Variants in MARK4 observed in about 807,000 individuals in gnomAD.
MARK4 encodes MAP/microtubule affinity-regulating kinase 4.
Under a neutral mutation model 81.5 loss-of-function variants are expected in MARK4, and 19 were observed. The observed-to-expected ratio is 0.23, with a 90% confidence interval of 0.16 to 0.34. The LOEUF is 0.34. Among genes scored for constraint, MARK4 ranks in the 10% least tolerant of loss-of-function variants. The probability of loss-of-function intolerance (pLI) is 1.00; values close to 1 mark genes in which losing one functional copy is unlikely to be tolerated. For synonymous variants in MARK4, 436 were observed against 439.0 expected (o/e 0.99, Z 0.08); for missense variants, 772 against 1,058.8 (o/e 0.73, Z 3.76).
rs1971021194 is a variant in MARK4 at position 45,304,404 on chromosome 19, A to G, written c.*1694A>G. Reference sequence around the variant, plus strand: ...GTAGGGGTTCCTCAAAGGAAGGTCAAGTGTCATGAGCAGGAGAAAAGGCAT... The same window carrying G: ...GTAGGGGTTCCTCAAAGGAAGGTCAGGTGTCATGAGCAGGAGAAAAGGCAT... On this transcript the variant is annotated 3_prime_UTR_variant, in exon 17 of 17. Coordinates refer to ENST00000262891, the MANE Select transcript of MARK4 (RefSeq NM_001199867.2). 1 of 152,334 alleles carries G rather than the reference A, an allele frequency of 6.6e-6. No homozygotes were observed. Among genetic ancestry groups the G allele is most frequent in the Admixed American group, 6.5e-5 (1 of 15,272 alleles). The allele number at this position is 152,334 out of a possible 1,614,324, so 9.4% of individuals were successfully genotyped here. A position where few individuals can be genotyped will look rare whatever the true frequency, so the allele number is the denominator to read the frequency against.
chr19:45,259,018 G>T lies in MARK4; in HGVS notation c.81G>T (p.Ser27=), dbSNP rs750078183. 4 of 1,613,206 alleles carry T rather than the reference G, an allele frequency of 2.5e-6. No homozygotes were observed. The South Asian group carries it at 4.4e-5, about 18-fold the overall frequency. ...THGTLGSGRS[S]DKGPSWSSRS... ...GCACCTTGGGCAGTGGCCGCTCCTC[G>T]GACAAAGGCCCGTCCTGGTCCAGCC... is the stretch of plus-strand genomic sequence containing the variant. Residue 27 remains serine, a synonymous_variant, in exon 2 of 17, where the codon TCG becomes TCT. Transcript: ENST00000262891.
At chr19:45,259,615 T>A (rs1195436609) in intron 2 of MARK4, among the ~76,000 whole-genome samples, 1 of 150,738 alleles carries the variant, frequency 6.6e-6, no homozygotes, top group African/African-American at 2.4e-5. Context: ...ATAAGTAAAA[T>A]TTTTTAAAAA....
chr19:45,301,588 C>T (rs1158898310), intron 16 of MARK4, among the ~76,000 whole-genome samples: 6 of 135,866 alleles, frequency 4.4e-5, no homozygotes, highest in Non-Finnish European at 7.8e-5. Context: ...AAGCCGGGCG[C>T]AGTGGCTCAC....
chr19:45,265,659 G>A (rs1382886815), intron 6 of MARK4, among the ~76,000 whole-genome samples: 1 of 150,830 alleles, frequency 6.6e-6, no homozygotes, highest in Admixed American at 6.6e-5. Context: ...CAGGTATGAA[G>A]GTGCCCAGGT....
chr19:45,294,605 T>TA (rs1483216675), intron 14 of MARK4, among the ~76,000 whole-genome samples, 153 bp downstream of exon 14: 1 of 152,176 alleles, frequency 6.6e-6, no homozygotes, highest in African/African-American at 2.4e-5. Flanking sequence ...TCGACCCATG[T>TA]ACCCCCCTGA....
chr19:45,269,387 A>G (rs1970496267), intron 7 of MARK4, among the ~76,000 whole-genome samples: 1 of 152,124 alleles, frequency 6.6e-6, no homozygotes. Context: ...TCAAAAATAA[A>G]AAATAAGAAA....
Position 45,251,545 on chromosome 19 carries a change from GCCCCCCCCA to G in MARK4, c.-40_-32del. The G allele has an allele frequency of 2.1e-5, 3 of 142,332 alleles. No individual in the cohort carries two copies. The highest frequency in any genetic ancestry group is 3.9e-5 in the Non-Finnish European group (3 of 77,168). 8.8% of individuals were successfully genotyped at this position (142,332 alleles called of 1,614,324 possible). ...GAAGAGAGGGGACCCTGGGACCCCC[GCCCCCCCCA>G]CCCGGCCGCCCCTGCCCCCCGGGAC... On this transcript the variant is annotated 5_prime_UTR_variant, in exon 1 of 17. Coordinates refer to ENST00000262891, the MANE Select transcript of MARK4 (RefSeq NM_001199867.2).
At chr19:45,299,940 G>C in intron 16 of MARK4, 85 bp downstream of exon 16, 1 of 1,367,994 alleles carries the variant, frequency 7.3e-7, no homozygotes, top group African/African-American at 1.5e-5. Context: ...CATTAGATGG[G>C]GCCCCAGTCT....
chr19:45,252,597 CCT>C (rs1257087031), intron 1 of MARK4, among the ~76,000 whole-genome samples: 3 of 151,862 alleles, frequency 2.0e-5, no homozygotes, highest in Non-Finnish European at 4.4e-5. Context: ...GGGAGTCTGG[CCT>C]TCCAAGGAAG....
chr19:45,281,454 G>A (rs1444004751), intron 12 of MARK4, among the ~76,000 whole-genome samples: 2 of 149,104 alleles, frequency 1.3e-5, no homozygotes, highest in African/African-American at 2.5e-5. Flanking sequence ...TCCACCTCTT[G>A]GGTTCAAGCG....
rs767937078 is a variant in MARK4, at chr19:45,302,945, G to A, written c.*235G>A. 3.1e-6 allele frequency: 2 copies of A among 643,212 alleles called. No homozygotes were observed. The highest frequency in any genetic ancestry group is 5.2e-6 in the Non-Finnish European group (2 of 386,576). 39.8% of individuals were successfully genotyped at this position (643,212 alleles called of 1,614,324 possible). A position where few individuals can be genotyped will look rare whatever the true frequency, so the allele number is the denominator to read the frequency against. ...CTTCCTGGAGCCTCCAGCCAGTCCT[G>A]TCCTCCCTCGCCCTACCAAGAGGGC... is the stretch of plus-strand genomic sequence containing the variant. On this transcript the variant is annotated 3_prime_UTR_variant, in exon 17 of 17. Transcript: ENST00000262891. This position sits in a 1 kb window ranked among gnomAD's most constrained non-coding sequence, Gnocchi z 4.9.
At chr19:45,280,882 A>G in intron 12 of MARK4, 148 bp downstream of exon 12, 3 of 1,195,026 alleles carry the variant, frequency 2.5e-6, no homozygotes, top group African/African-American at 1.5e-5. Context: ...GACACAGGGC[A>G]TTGCATGGAA....
chr19:45,262,095 T>C (rs1970388090), intron 2 of MARK4, among the ~76,000 whole-genome samples: 1 of 152,142 alleles, frequency 6.6e-6, no homozygotes. Context: ...CTTACTACAA[T>C]TTACTAGCCA....
chr19:45,282,202 A>G (rs1436307742), intron 12 of MARK4, among the ~76,000 whole-genome samples: 2 of 150,620 alleles, frequency 1.3e-5, no homozygotes, highest in South Asian at 2.1e-4. Context: ...CAGCCTGGGC[A>G]ACAGAGAGAC....
chr19:45,266,838 T>G (rs1404465030), intron 7 of MARK4, among the ~76,000 whole-genome samples: 1 of 150,282 alleles, frequency 6.7e-6, no homozygotes, highest in Non-Finnish European at 1.5e-5. Context: ...GTTCACACCA[T>G]TCTCCTGCCT....
chr19:45,272,619 G>A (rs1474462118), intron 8 of MARK4, among the ~76,000 whole-genome samples: 1 of 152,134 alleles, frequency 6.6e-6, no homozygotes, highest in African/African-American at 2.4e-5. Context: ...CCGGCCTGAT[G>A]GCTCACACCT....
chr19:45,252,027 C>G (rs1490532984), intron 1 of MARK4, among the ~76,000 whole-genome samples: 3 of 151,992 alleles, frequency 2.0e-5, no homozygotes, highest in African/African-American at 7.3e-5. Flanking sequence ...CCTGACCCCC[C>G]AAGGCCCGGC....
intron 12 of MARK4, among the ~76,000 whole-genome samples, chr19:45,283,914 T>C (rs1314541772): frequency 6.6e-6 from 1 of 152,204 alleles, no homozygotes. Context: ...GTGAAGTTCT[T>C]ACTCTGGGAC....
At position 45,271,059 on chromosome 19, in the gene MARK4, G is replaced by A. The variant is rs1315960837; in HGVS notation, c.550-413G>A. Among the ~76,000 whole-genome samples the A allele has an allele frequency of 2.0e-5, 3 of 151,858 alleles. No individual in the cohort carries two copies. The highest frequency in any genetic ancestry group is 2.4e-5 in the African/African-American group (1 of 41,346). Reference sequence around the variant, plus strand: ...TTCTGCGATTACAGGCGTGAGCCACGGTGCCCAGCCCAATTTTTGTATTTT... The same window carrying A: ...TTCTGCGATTACAGGCGTGAGCCACAGTGCCCAGCCCAATTTTTGTATTTT... On this transcript the variant is annotated intron_variant, in intron 7 of 16. Coordinates refer to ENST00000262891, the MANE Select transcript of MARK4 (RefSeq NM_001199867.2). The surrounding 1 kb of genome is among the most constrained non-coding windows in gnomAD (Gnocchi z 4.1).
Sources: gnomAD v4.1 joint callset for allele counts (sites outside exome capture counted in the v4.1 genomes callset) on GRCh38, gnomAD v4.1.1 for gene constraint, Gnocchi (gnomAD v3.1) non-coding constraint, MANE v1.5 for transcripts, NCBI Gene and HGNC (gene_info 2026-07-23, HGNC 2026-07-21) for gene names.